The following HERC1 variants were observed in gnomAD, a reference collection of about 807,000 sequenced individuals.
HERC1 encodes probable E3 ubiquitin-protein ligase HERC1.
Under a neutral mutation model 554.3 loss-of-function variants are expected in HERC1, and 160 were observed. The observed-to-expected ratio is 0.29, with a 90% CI of 0.25 to 0.33. HERC1 has a LOEUF of 0.33. HERC1 is among the 10% of genes least tolerant of loss of function. The pLI, the probability that HERC1 is intolerant of heterozygous loss-of-function variation, is 1.00. For synonymous variants in HERC1, 2,175 were observed against 2,131.7 expected (o/e 1.02, Z -0.56); for missense variants, 4,919 against 5,918.5 (o/e 0.83, Z 5.54).
At chr15:63,764,060 A>C in intron 3 of HERC1, 36 bp downstream of exon 3, 1 of 1,344,926 alleles carries the variant, frequency 7.4e-7, no homozygotes, top group Non-Finnish European at 1.1e-6. Context: ...ATTTTAACAC[A>C]AAGTTGTTAA....
chr15:63,771,606 A>G (rs574046273), intron 2 of HERC1, among the ~76,000 whole-genome samples: 19 of 151,700 alleles, frequency 1.3e-4, no homozygotes, highest in Admixed American at 1.1e-3. Context: ...TAATTTTTTT[A>G]TTTTTAATAG....
intron 1 of HERC1, among the ~76,000 whole-genome samples, chr15:63,776,514 C>G (rs2076119610): frequency 6.6e-6 from 1 of 152,126 alleles, no homozygotes; most frequent in South Asian, 2.1e-4. Flanking sequence ...AAAGATTTAT[C>G]CAAAAGAAAA....
chr15:63,831,928 ATG>A (rs911947278), intron 1 of HERC1, among the ~76,000 whole-genome samples: 12 of 152,242 alleles, frequency 7.9e-5, no homozygotes, highest in African/African-American at 2.9e-4. Context: ...AAATGAATGG[ATG>A]TGTCACATGC....
chr15:63,674,004 C>T (rs1422532928), intron 38 of HERC1, among the ~76,000 whole-genome samples: 9 of 152,186 alleles, frequency 5.9e-5, no homozygotes, highest in Non-Finnish European at 1.2e-4. Flanking sequence ...GGATTACAGG[C>T]ATGAGCCACC....
intron 1 of HERC1, among the ~76,000 whole-genome samples, chr15:63,819,683 A>G (rs2077618488): frequency 6.6e-6 from 1 of 152,184 alleles, no homozygotes. Context: ...CATTGTCACC[A>G]TGAATTCCTG....
intron 25 of HERC1, among the ~76,000 whole-genome samples, chr15:63,700,670 C>G (rs532122128): frequency 1.4e-5 from 2 of 146,642 alleles, no homozygotes; most frequent in Non-Finnish European, 3.0e-5. Flanking sequence ...ATTTTCACCA[C>G]TGCACTCCAG....
chr15:63,671,159 C>T (rs546678897), intron 39 of HERC1, among the ~76,000 whole-genome samples: 4 of 148,368 alleles, frequency 2.7e-5, no homozygotes, highest in Admixed American at 6.8e-5. Flanking sequence ...GCCCAGATCG[C>T]ACCACTGCAC....
intron 72 of HERC1, 106 bp from the exon 73 acceptor site, chr15:63,623,996 G>A (rs1285744937): frequency 7.4e-7 from 1 of 1,351,228 alleles, no homozygotes; most frequent in Non-Finnish European, 1.0e-6. Flanking sequence ...TAACAGGCAA[G>A]CACTGTGCTA....
Position 63,764,209 on chromosome 15 carries a change from C to T in HERC1, c.931-18G>A, listed in dbSNP as rs541232823. 14 of 1,532,618 alleles carry T rather than the reference C, an allele frequency of 9.1e-6. No individual in the cohort carries two copies. The highest frequency in any genetic ancestry group is 7.0e-5 in the Admixed American group (4 of 57,400). 94.9% of individuals were successfully genotyped at this position (1,532,618 alleles called of 1,614,324 possible). ...GATGAACCCTATAATTAAAACATTG[C>T]GGGACACAGCGTAGGAAGGGGAGAG... On this transcript the variant is annotated intron_variant, in intron 2 of 77. Transcript: ENST00000443617.
In HERC1 at chr15:63,642,948, C is replaced by T. The variant is rs75467798; in HGVS notation, c.11433+9G>A. The T allele has an allele frequency of 5.1e-3, 7,531 of 1,489,738 alleles. 317 individuals carry two copies. In the African/African-American group the frequency reaches 0.093, roughly 18 times the overall value. The allele number at this position is 1,489,738 out of a possible 1,614,324, so 92.3% of individuals were successfully genotyped here. On this transcript the variant is annotated intron_variant, in intron 59 of 77. Coordinates refer to ENST00000443617, the MANE Select transcript of HERC1 (RefSeq NM_003922.4). ...TACACCCTATCATTTGATATAACTACAATATTACCTTTGATCTATTTGAGC... is the reference window on the plus strand; with the variant it reads ...TACACCCTATCATTTGATATAACTATAATATTACCTTTGATCTATTTGAGC...
chr15:63,759,981 C>T (rs148858182), intron 3 of HERC1, among the ~76,000 whole-genome samples: 1 of 152,186 alleles, frequency 6.6e-6, no homozygotes, highest in East Asian at 1.9e-4. Context: ...ATAGTGGGGC[C>T]AAGGGAGTCA....
chr15:63,659,961 T>C, intron 46 of HERC1, 25 bp from the exon 47 acceptor site: 3 of 1,504,326 alleles, frequency 2.0e-6, no homozygotes, highest in South Asian at 1.2e-5. Context: ...AATAAATGTA[T>C]AGTATGTGAA....
rs565731697 is a variant in HERC1, at chr15:63,727,273, C to G, written c.3346+374G>C. On this transcript the variant is annotated intron_variant, in intron 17 of 77. Coordinates refer to ENST00000443617, the MANE Select transcript of HERC1 (RefSeq NM_003922.4). The surrounding 1 kb of genome is among the most constrained non-coding windows in gnomAD (Gnocchi z 4.3). ...CCTGGGCAACAGAGCAAGACTCCATCTCAAAAAAAGAAAAAAGGAAAGAAT... is the reference window on the plus strand; with the variant it reads ...CCTGGGCAACAGAGCAAGACTCCATGTCAAAAAAAGAAAAAAGGAAAGAAT... 1.2e-3 allele frequency among the ~76,000 whole-genome samples: 184 copies of G among 151,998 alleles called. 1 individual carries two copies. Among genetic ancestry groups the G allele is most frequent in the African/African-American group, 4.4e-3 (181 of 41,474 alleles).
chr15:63,820,674 G>C (rs533671725), intron 1 of HERC1, among the ~76,000 whole-genome samples: 149 of 152,082 alleles, frequency 9.8e-4, no homozygotes, highest in Non-Finnish European at 1.7e-3. Context: ...AAAAGCAACA[G>C]AGACGTTATC....
At position 63,729,501 on chromosome 15, in the gene HERC1, CTAA is replaced by C. The variant is rs770397996; in HGVS notation, c.3014_3016del (p.Ile1005del). On this transcript the variant is annotated inframe_deletion, in exon 15 of 78. Coordinates refer to ENST00000443617, the MANE Select transcript of HERC1 (RefSeq NM_003922.4). ...AAAAGACAAATAATCGCATACCTCA[CTAA>C]TGTTATTGATATGGCAAAATGCCAG... The C allele has an allele frequency of 7.4e-6, 12 of 1,613,464 alleles. No homozygotes were observed. The highest frequency in any genetic ancestry group is 1.1e-5 in the South Asian group (1 of 91,074).
At chr15:63,642,016 C>T (rs2069088342) in intron 59 of HERC1, among the ~76,000 whole-genome samples, 1 of 152,122 alleles carries the variant, frequency 6.6e-6, no homozygotes, top group Non-Finnish European at 1.5e-5. Flanking sequence ...TTAACTCTGG[C>T]TCTGTGGTTT....
intron 12 of HERC1, among the ~76,000 whole-genome samples, chr15:63,740,100 A>G (rs893850262): frequency 6.6e-6 from 1 of 151,984 alleles, no homozygotes; most frequent in African/African-American, 2.4e-5. Context: ...TAGTAGAGAC[A>G]GGGTTTCACC....
At chr15:63,609,524 A>C (rs2067497094) in intron 77 of HERC1, among the ~76,000 whole-genome samples, 1 of 152,186 alleles carries the variant, frequency 6.6e-6, no homozygotes, top group Admixed American at 6.5e-5. Flanking sequence ...AGAAGCTCTG[A>C]CTGGCAGGAT....
At chr15:63,650,064 T>G (rs997003676) in intron 53 of HERC1, 139 bp from the exon 54 acceptor site, 13 of 632,746 alleles carry the variant, frequency 2.1e-5, no homozygotes, top group Non-Finnish European at 3.3e-5. Flanking sequence ...AATAAGACCA[T>G]GAAGGCAGGA....
Sources: gnomAD v4.1 joint callset for allele counts (sites outside exome capture counted in the v4.1 genomes callset) on GRCh38, gnomAD v4.1.1 for gene constraint, Gnocchi (gnomAD v3.1) non-coding constraint, MANE v1.5 for transcripts, NCBI Gene and HGNC (gene_info 2026-07-23, HGNC 2026-07-21) for gene names.